VEGFC: variants seen among roughly 807,000 people sequenced by gnomAD.
VEGFC encodes FLT4 ligand DHM.
Under a neutral mutation model 46.1 loss-of-function variants are expected in VEGFC, and 12 were observed. The observed-to-expected ratio is 0.26, with a 90% CI of 0.17 to 0.42. VEGFC has a LOEUF of 0.42. VEGFC is among the 10% of genes least tolerant of loss of function. VEGFC has a pLI of 1.00. For missense variants in VEGFC, 488 were observed against 529.4 expected (o/e 0.92, Z 0.77); for synonymous variants, 232 against 195.5 (o/e 1.19, Z -1.56).
At chr4:176,745,316 C>T (rs918204203) in intron 1 of VEGFC, among the ~76,000 whole-genome samples, 1 of 151,980 alleles carries the variant, frequency 6.6e-6, no homozygotes, top group Non-Finnish European at 1.5e-5. Context: ...TTTTCAACTC[C>T]CAGGTCCATC....
In VEGFC at chr4:176,727,818, A is replaced by C; in HGVS notation, c.512T>G (p.Leu171Arg). The C allele has an allele frequency of 6.2e-7, 1 of 1,613,886 alleles. No individual in the cohort carries two copies. Among genetic ancestry groups the C allele is most frequent in the South Asian group, 1.1e-5 (1 of 91,066 alleles). ...GCTCGTGCTGGTGTTCATGCACTGC[A>C]GCCCCTCACTATTGCAGCAACCCCC... ...RCGGCCNSEG[L>R]QCMNTSTSYL... The change falls in exon 3 of 7, where the codon CTG (leucine) becomes CGG (arginine). Residue 171 changes from leucine to arginine, a missense_variant. By Grantham distance (102) the Leu-to-Arg change is moderately radical. Coordinates refer to ENST00000618562, the MANE Select transcript of VEGFC (RefSeq NM_005429.5).
intron 1 of VEGFC, among the ~76,000 whole-genome samples, chr4:176,758,423 C>A (rs966639148): frequency 7.2e-5 from 11 of 152,184 alleles, no homozygotes; most frequent in Admixed American, 1.3e-4. Flanking sequence ...TTTAGATGAA[C>A]AAGTACCAAG....
At chr4:176,733,095 A>G (rs1734995491) in intron 1 of VEGFC, among the ~76,000 whole-genome samples, 1 of 151,948 alleles carries the variant, frequency 6.6e-6, no homozygotes, top group Admixed American at 6.6e-5. Flanking sequence ...TAGAGTGGAT[A>G]AAATTAAAAA....
chr4:176,754,617 C>T (rs997227426), intron 1 of VEGFC, among the ~76,000 whole-genome samples: 1 of 152,006 alleles, frequency 6.6e-6, no homozygotes, highest in African/African-American at 2.4e-5. Context: ...TGTAAAGACA[C>T]TGGAACCATG....
At chr4:176,724,057 C>A (rs1734834695) in intron 3 of VEGFC, among the ~76,000 whole-genome samples, 1 of 152,160 alleles carries the variant, frequency 6.6e-6, no homozygotes, top group Non-Finnish European at 1.5e-5. Context: ...CCAATAGTTA[C>A]CTTTTCTGTT....
chr4:176,785,494 T>C (rs10003602), intron 1 of VEGFC, among the ~76,000 whole-genome samples: 7,584 of 152,256 alleles, frequency 0.05, 375 homozygotes, highest in African/African-American at 0.11. Flanking sequence ...AAAAACCTTT[T>C]ATAAGAACAG....
intron 1 of VEGFC, among the ~76,000 whole-genome samples, chr4:176,789,560 A>G (rs1389878404): frequency 1.3e-5 from 2 of 152,248 alleles, no homozygotes; most frequent in African/African-American, 4.8e-5. Context: ...AATTGTAAAT[A>G]GAACAGCTTC....
chr4:176,726,104 G>C (rs1433454122), intron 3 of VEGFC, among the ~76,000 whole-genome samples: 1 of 151,950 alleles, frequency 6.6e-6, no homozygotes, highest in Admixed American at 6.6e-5. Context: ...ACTCAGGGAG[G>C]ATAAATGAAC....
chr4:176,792,072 A>C lies in VEGFC; in HGVS notation c.147+93T>G. On this transcript the variant is annotated intron_variant, in intron 1 of 6. Coordinates refer to ENST00000618562, the MANE Select transcript of VEGFC (RefSeq NM_005429.5). This position sits in a 1 kb window ranked among gnomAD's most constrained non-coding sequence, Gnocchi z 6.3. The stretch of plus-strand genomic sequence containing the variant: ...TTGGATCCCACGTACACAAGCTTAA[A>C]GCACACACACTTTCCCCCGCGCAGG... The C allele has an allele frequency of 7.2e-7, 1 of 1,381,308 alleles. No homozygotes were observed. The allele number at this position is 1,381,308 out of a possible 1,614,324, so 85.6% of individuals were successfully genotyped here.
intron 1 of VEGFC, among the ~76,000 whole-genome samples, chr4:176,741,156 G>T (rs1457267238): frequency 6.6e-6 from 1 of 151,872 alleles, no homozygotes; most frequent in Non-Finnish European, 1.5e-5. Flanking sequence ...GGCTTTCTTA[G>T]TAGATCGGAA....
chr4:176,703,992 T>C (rs1317051020), intron 4 of VEGFC, among the ~76,000 whole-genome samples: 2 of 152,140 alleles, frequency 1.3e-5, no homozygotes, highest in African/African-American at 2.4e-5. Context: ...GCCCAGAGTA[T>C]GGTAAGTTAT....
At chr4:176,693,089 C>A (rs1314853422) in intron 4 of VEGFC, among the ~76,000 whole-genome samples, 1 of 152,084 alleles carries the variant, frequency 6.6e-6, no homozygotes, top group Non-Finnish European at 1.5e-5. Context: ...TCCAAAGAAA[C>A]ACAGTTCCTT....
intron 1 of VEGFC, among the ~76,000 whole-genome samples, chr4:176,740,436 T>TAG (rs1735150092): frequency 9.0e-5 from 1 of 11,092 alleles, no homozygotes; most frequent in Non-Finnish European, 1.3e-3. Context: ...GTTATATATA[T>TAG]ATTCTATATA....
At chr4:176,729,013 T>C (rs966453410) in intron 2 of VEGFC, among the ~76,000 whole-genome samples, 3 of 152,188 alleles carry the variant, frequency 2.0e-5, no homozygotes, top group Admixed American at 2.0e-4. Context: ...ACCCCACCAA[T>C]TGATGCTATG....
At chr4:176,768,126 G>A (rs1453434142) in intron 1 of VEGFC, among the ~76,000 whole-genome samples, 2 of 152,052 alleles carry the variant, frequency 1.3e-5, no homozygotes, top group Non-Finnish European at 2.9e-5. Context: ...GAAACGGAGA[G>A]ATAAAAATTT....
At chr4:176,697,570 A>G (rs905250030) in intron 4 of VEGFC, among the ~76,000 whole-genome samples, 6 of 150,332 alleles carry the variant, frequency 4.0e-5, no homozygotes, top group African/African-American at 1.2e-4. Context: ...TGTGGAAGTC[A>G]GTGTGGCGAT....
intron 1 of VEGFC, among the ~76,000 whole-genome samples, chr4:176,762,644 CTATT>C (rs1405769605): frequency 2.6e-5 from 4 of 152,296 alleles, no homozygotes; most frequent in African/African-American, 9.6e-5. Flanking sequence ...GTGCATCTAT[CTATT>C]TATCTACATA....
intron 1 of VEGFC, among the ~76,000 whole-genome samples, chr4:176,781,978 C>T (rs1735924564): frequency 6.6e-6 from 1 of 152,238 alleles, no homozygotes; most frequent in Admixed American, 6.5e-5. Flanking sequence ...ACACGCATGA[C>T]TCTTCCTCAA....
intron 4 of VEGFC, among the ~76,000 whole-genome samples, chr4:176,700,304 T>G (rs2110985126): frequency 6.6e-6 from 1 of 152,020 alleles, no homozygotes; most frequent in East Asian, 1.9e-4. Flanking sequence ...GTAATCCCAG[T>G]TACTCAGGAG....
Sources: gnomAD v4.1 joint callset for allele counts (sites outside exome capture counted in the v4.1 genomes callset) on GRCh38, gnomAD v4.1.1 for gene constraint, Gnocchi (gnomAD v3.1) non-coding constraint, MANE v1.5 for transcripts, NCBI Gene and HGNC (gene_info 2026-07-23, HGNC 2026-07-21) for gene names.